The following ZNF236 variants were observed in gnomAD, a reference collection of about 807,000 sequenced individuals.
ZNF236 encodes the protein regulated by glucose.
ZNF236 carries 50 observed loss-of-function variants against 191.2 expected under a neutral mutation model. That is an observed-to-expected ratio of 0.26 (90% CI 0.21 to 0.33). ZNF236 has a LOEUF of 0.33. ZNF236 is among the 10% of genes least tolerant of loss of function. The pLI is 1.00. For missense variants in ZNF236, 1,754 were observed against 2,374.5 expected (o/e 0.74, Z 5.43); for synonymous variants, 907 against 928.8 (o/e 0.98, Z 0.43).
At chr18:76,891,436 G>A (rs1376476254) in intron 9 of ZNF236, among the ~76,000 whole-genome samples, 1 of 151,984 alleles carries the variant, frequency 6.6e-6, no homozygotes, top group Non-Finnish European at 1.5e-5. Context: ...GTGGTGCCAC[G>A]ATCATAGCTC....
chr18:76,898,886 A>G, intron 10 of ZNF236, 133 bp from the exon 11 acceptor site: 1 of 751,618 alleles, frequency 1.3e-6, no homozygotes. Flanking sequence ...TACAATATCC[A>G]TTAAATTATA....
Position 76,920,466 on chromosome 18 carries a change from G to C in ZNF236, c.3557+408G>C, listed in dbSNP as rs62113129. ...CTCGGGAGCCTGAGACAGGAGAATC[G>C]CTTGAACCTGAGAGGTGGAGGTTAT... On this transcript the variant is annotated intron_variant, in intron 20 of 30. Coordinates refer to ENST00000320610, the MANE Select transcript of ZNF236 (RefSeq NM_001306089.2). Among the ~76,000 whole-genome samples the C allele has an allele frequency of 1.5e-3, 232 of 151,304 alleles. 2 individuals are homozygous for C. Among genetic ancestry groups the C allele is most frequent in the South Asian group, 4.4e-3 (21 of 4,778 alleles).
chr18:76,931,749 C>T (rs1298562918), intron 25 of ZNF236, among the ~76,000 whole-genome samples: 1 of 152,166 alleles, frequency 6.6e-6, no homozygotes, highest in African/African-American at 2.4e-5. Context: ...AATAAATGAG[C>T]TCATGTAAGA....
Position 76,925,169 on chromosome 18 carries a change from C to T in ZNF236, c.3662-20C>T, listed in dbSNP as rs2122828293. 1 of 1,603,950 alleles carries T rather than the reference C, an allele frequency of 6.2e-7. No individual in the cohort carries two copies. Among genetic ancestry groups the T allele is most frequent in the Non-Finnish European group, 8.5e-7 (1 of 1,173,472 alleles). ...GCGACTGCCATCGCCTCTGTTGATT[C>T]TTGGCTGGGCTTTTCACAGGTCAGA... On this transcript the variant is annotated intron_variant, in intron 21 of 30. Transcript: ENST00000320610. This position sits in a 1 kb window ranked among gnomAD's most constrained non-coding sequence, Gnocchi z 5.7.
intron 1 of ZNF236, among the ~76,000 whole-genome samples, chr18:76,842,898 A>G: frequency 6.6e-6 from 1 of 152,200 alleles, no homozygotes. Context: ...AATTGGTAAA[A>G]TTCAGAAAGG....
intron 13 of ZNF236, among the ~76,000 whole-genome samples, chr18:76,905,654 G>A (rs1160996454): frequency 6.7e-6 from 1 of 150,042 alleles, no homozygotes; most frequent in Non-Finnish European, 1.5e-5. Flanking sequence ...TAATAATGAA[G>A]TAGTTTATAT....
At chr18:76,915,530 C>A in intron 18 of ZNF236, 117 bp from the exon 19 acceptor site, 3 of 913,050 alleles carry the variant, frequency 3.3e-6, no homozygotes, top group South Asian at 3.4e-5. Context: ...GTCTGTTAAG[C>A]CTCAGGATAA....
At chr18:76,918,521 A>G (rs371641703) in intron 19 of ZNF236, among the ~76,000 whole-genome samples, 2 of 152,124 alleles carry the variant, frequency 1.3e-5, no homozygotes, top group African/African-American at 4.8e-5. Flanking sequence ...AACTCCTGGG[A>G]TCAAGCAATC....
chr18:76,868,431 T>C lies in ZNF236; in HGVS notation c.364-254T>C, dbSNP rs746310841. Among the ~76,000 whole-genome samples, 28 of 152,296 alleles carry C rather than the reference T, an allele frequency of 1.8e-4. 1 individual carries two copies. Among genetic ancestry groups the C allele is most frequent in the Middle Eastern group, 3.4e-3 (1 of 294 alleles). On this transcript the variant is annotated intron_variant, in intron 3 of 30. Coordinates refer to ENST00000320610, the MANE Select transcript of ZNF236 (RefSeq NM_001306089.2). ...AGCAGAACTCATTTTGCTCAAAAAT[T>C]GTGTCAATCTCTCACCCTTTTCCCA...
At chr18:76,958,551 T>C (rs1023149231) in intron 28 of ZNF236, among the ~76,000 whole-genome samples, 10 of 152,124 alleles carry the variant, frequency 6.6e-5, no homozygotes, top group Admixed American at 5.2e-4. Flanking sequence ...GCACAGAAGG[T>C]GGTCCCAGAA....
chr18:76,928,819 T>C (rs570551086), intron 25 of ZNF236, among the ~76,000 whole-genome samples: 1 of 152,206 alleles, frequency 6.6e-6, no homozygotes, highest in East Asian at 1.9e-4. Context: ...AAACTCTTTG[T>C]ATTACTAAGA....
intron 30 of ZNF236, among the ~76,000 whole-genome samples, chr18:76,963,521 A>G (rs547210747): frequency 3.5e-4 from 53 of 152,142 alleles, no homozygotes; most frequent in African/African-American, 1.1e-3. Flanking sequence ...ATCAGGGATA[A>G]TGGTCTGTAG....
At chr18:76,842,342 C>G (rs1477916615) in intron 1 of ZNF236, among the ~76,000 whole-genome samples, 3 of 152,024 alleles carry the variant, frequency 2.0e-5, no homozygotes, top group Non-Finnish European at 4.4e-5. Flanking sequence ...GCCTTTTTCA[C>G]AGGGAACCAA....
chr18:76,854,783 T>C lies in ZNF236; in HGVS notation c.363+2844T>C, dbSNP rs376922972. ...ATTAATTGAATTAACAAATAAGACT[T>C]TTTTCCCCCAAGTTCTTTATAGAAT... On this transcript the variant is annotated intron_variant, in intron 3 of 30. Transcript: ENST00000320610. 6.6e-5 allele frequency among the ~76,000 whole-genome samples: 10 copies of C among 152,284 alleles called. No individual in the cohort carries two copies. In the South Asian group the frequency reaches 1.7e-3, roughly 25 times the overall value.
At chr18:76,938,416 C>CA (rs1236398664) in intron 26 of ZNF236, among the ~76,000 whole-genome samples, 3 of 152,094 alleles carry the variant, frequency 2.0e-5, no homozygotes, top group Admixed American at 2.0e-4. Context: ...TTGTTTTCAC[C>CA]AAAACACATT....
In ZNF236 at chr18:76,925,898, T is replaced by C. The variant is rs534848246; in HGVS notation, c.4027+344T>C. Among the ~76,000 whole-genome samples the C allele has an allele frequency of 6.6e-6, 1 of 152,256 alleles. No homozygotes were observed. Among genetic ancestry groups the C allele is most frequent in the Non-Finnish European group, 1.5e-5 (1 of 68,052 alleles). On this transcript the variant is annotated intron_variant, in intron 22 of 30. Coordinates refer to ENST00000320610, the MANE Select transcript of ZNF236 (RefSeq NM_001306089.2). This position sits in a 1 kb window ranked among gnomAD's most constrained non-coding sequence, Gnocchi z 5.7. ...AAATACTCAATAGCATTGTTTTTGA[T>C]ATAGTGCAGTTTTCCAGTTGTTCTT...
At chr18:76,888,794 A>C (rs1258957762) in intron 9 of ZNF236, 7 of 152,204 alleles carry the variant, frequency 4.6e-5, no homozygotes, top group Non-Finnish European at 8.8e-5. Context: ...GAACCCACAG[A>C]TGTTTCTCTG....
chr18:76,875,498 G>A lies in ZNF236; in HGVS notation c.674G>A (p.Arg225Lys). 3.3e-6 allele frequency: 5 copies of A among 1,521,730 alleles called. No homozygotes were observed. The highest frequency in any genetic ancestry group is 4.4e-6 in the Non-Finnish European group (5 of 1,128,468). The allele number at this position is 1,521,730 out of a possible 1,614,324, so 94.3% of individuals were successfully genotyped here. A position where few individuals can be genotyped will look rare whatever the true frequency, so the allele number is the denominator to read the frequency against. The change falls in exon 6 of 31, where the codon AGG (arginine) becomes AAG (lysine). Residue 225 changes from arginine (R) to lysine (K), a missense_variant. Arg to Lys is a conservative substitution (Grantham distance 26). Around this residue, in one of 5 missense-constraint regions of ZNF236, gnomAD observed 336 missense variants for 495.1 expected, o/e 0.68. Transcript: ENST00000320610. The surrounding 1 kb of genome is among the most constrained non-coding windows in gnomAD (Gnocchi z 4.3). ...TRHIRIHTGERPFKCSECGKA... is the reference protein window; with the variant it reads ...TRHIRIHTGEKPFKCSECGKA... Reference sequence around the variant, plus strand: ...CATTTTTCTCCCACTCTAGGTGAAAGGCCGTTCAAATGTAGTGAATGTGGA... The same window carrying A: ...CATTTTTCTCCCACTCTAGGTGAAAAGCCGTTCAAATGTAGTGAATGTGGA...
rs372994384 is a variant in ZNF236, at chr18:76,872,554, C to T, written c.667+729C>T. Among the ~76,000 whole-genome samples, 6 of 152,174 alleles carry T rather than the reference C, an allele frequency of 3.9e-5. No homozygotes were observed. The East Asian group carries it at 5.8e-4, about 15-fold the overall frequency. On this transcript the variant is annotated intron_variant, in intron 5 of 30. Coordinates refer to ENST00000320610, the MANE Select transcript of ZNF236 (RefSeq NM_001306089.2). ...TTCTTTTATAATTTTGCCTTCACTA[C>T]GCTATGAAACATTGAAATAATAAAA...
Sources: allele counts gnomAD v4.1 joint callset (sites outside exome capture counted in the v4.1 genomes callset), GRCh38; gene constraint gnomAD v4.1.1; regional missense constraint gnomAD v4.1.1; non-coding constraint Gnocchi (gnomAD v3.1); transcripts MANE v1.5; gene names NCBI Gene and HGNC (gene_info 2026-07-23, HGNC 2026-07-21).